The following NFASC variants were observed in gnomAD, a reference collection of about 807,000 sequenced individuals.
The protein encoded by NFASC is neurofascin.
A neutral mutation model predicts 147.5 loss-of-function variants in NFASC; 43 were observed. That is an observed-to-expected ratio of 0.29 (90% CI 0.23 to 0.38). The LOEUF (loss-of-function observed/expected upper bound fraction) is 0.38, where lower values mean the gene tolerates loss of function less well. Among genes scored for constraint, NFASC ranks in the 10% least tolerant of loss-of-function variants. The pLI is 1.00. For missense variants in NFASC, 1,320 were observed against 1,689.0 expected (o/e 0.78, Z 3.83); for synonymous variants, 622 against 665.5 (o/e 0.93, Z 1.01).
intron 1 of NFASC, among the ~76,000 whole-genome samples, chr1:204,901,858 G>A (rs575303968): frequency 2.2e-4 from 34 of 152,112 alleles, no homozygotes; most frequent in African/African-American, 7.5e-4. Flanking sequence ...CAGCTCACCC[G>A]CGGTAATGGA....
At chr1:204,877,149 A>G (rs1163269376) in intron 1 of NFASC, among the ~76,000 whole-genome samples, 3 of 144,758 alleles carry the variant, frequency 2.1e-5, no homozygotes, top group African/African-American at 5.1e-5. Context: ...ATATAAATAT[A>G]TATTTAATAG....
At chr1:204,981,626 C>T (rs547485545) in intron 20 of NFASC, among the ~76,000 whole-genome samples, 172 bp from the exon 21 acceptor site, 172 of 152,336 alleles carry the variant, frequency 1.1e-3, no homozygotes, top group African/African-American at 4.1e-3. Flanking sequence ...GGACCTTGGG[C>T]TTTTGGGGGA....
Position 204,872,067 on chromosome 1 carries a change from C to T in NFASC, c.-200+43285C>T, listed in dbSNP as rs12401772. The stretch of plus-strand genomic sequence containing the variant: ...TGAAGATTCAGTGACCGTACTTAAC[C>T]CAGGAAGGTTCGAGGCTGCATTAGG... On this transcript the variant is annotated intron_variant, in intron 1 of 29. Transcript: ENST00000339876. 1.3e-3 allele frequency among the ~76,000 whole-genome samples: 193 copies of T among 152,270 alleles called. 1 individual carries two copies. In the East Asian group the frequency reaches 0.018, roughly 14 times the overall value.
intron 1 of NFASC, among the ~76,000 whole-genome samples, chr1:204,888,893 T>C (rs1572548568): frequency 6.6e-6 from 1 of 152,300 alleles, no homozygotes; most frequent in Non-Finnish European, 1.5e-5. Flanking sequence ...TAGGGAACCC[T>C]GTGCTGCCCT....
chr1:204,976,594 C>T, intron 15 of NFASC, 77 bp from the exon 16 acceptor site: 4 of 1,146,102 alleles, frequency 3.5e-6, no homozygotes, highest in Non-Finnish European at 3.8e-6. Context: ...CGAGAACCCC[C>T]TCTAGGGAGA....
At chr1:204,880,677 G>A (rs932808329) in intron 1 of NFASC, among the ~76,000 whole-genome samples, 9 of 152,140 alleles carry the variant, frequency 5.9e-5, no homozygotes, top group Admixed American at 5.2e-4. Context: ...GATGGCAAGA[G>A]GTTTCATCTG....
At position 204,954,786 on chromosome 1, in the gene NFASC, A is replaced by C; in HGVS notation, c.413-43A>C. 3 of 1,607,714 alleles carry C rather than the reference A, an allele frequency of 1.9e-6. No individual in the cohort carries two copies. Among genetic ancestry groups the C allele is most frequent in the Non-Finnish European group, 1.7e-6 (2 of 1,175,354 alleles). On this transcript the variant is annotated intron_variant, in intron 6 of 29. Coordinates refer to ENST00000339876, the MANE Select transcript of NFASC (RefSeq NM_001005388.3). This position sits in a 1 kb window ranked among gnomAD's most constrained non-coding sequence, Gnocchi z 5.7. ...TGACCCTGCTCCTTGCCCCGGGCCC[A>C]GCCATCACCCTCACTTTATCCTCTT...
At chr1:204,880,820 T>C (rs1208338882) in intron 1 of NFASC, among the ~76,000 whole-genome samples, 4 of 152,188 alleles carry the variant, frequency 2.6e-5, no homozygotes, top group Non-Finnish European at 5.9e-5. Context: ...AGGATCAGCG[T>C]CAGAGAGAAC....
intron 1 of NFASC, among the ~76,000 whole-genome samples, chr1:204,903,122 C>T (rs1027790074): frequency 2.6e-5 from 4 of 152,138 alleles, no homozygotes; most frequent in African/African-American, 9.7e-5. Flanking sequence ...TTGCCAAGTC[C>T]CCCCTACCCC....
At chr1:204,962,300 C>T in intron 8 of NFASC, 1 of 693,466 alleles carries the variant, frequency 1.4e-6, no homozygotes, top group East Asian at 2.7e-5. Flanking sequence ...CAGAAGGCTG[C>T]CTGCCAGGAG....
chr1:204,905,059 A>G (rs1324675538), intron 1 of NFASC, among the ~76,000 whole-genome samples: 1 of 152,018 alleles, frequency 6.6e-6, no homozygotes, highest in Non-Finnish European at 1.5e-5. Context: ...ACCAGAAGCA[A>G]TTGTTATCTT....
chr1:204,995,308 T>C (rs892452741), intron 24 of NFASC, among the ~76,000 whole-genome samples: 4 of 135,442 alleles, frequency 3.0e-5, no homozygotes, highest in Non-Finnish European at 6.3e-5. Context: ...ATGTATGATG[T>C]GTGCACAGTG....
chr1:204,835,866 A>G (rs988740689), intron 1 of NFASC, among the ~76,000 whole-genome samples: 1 of 152,088 alleles, frequency 6.6e-6, no homozygotes, highest in African/African-American at 2.4e-5. Flanking sequence ...GCTTTCCTGG[A>G]TCCAGTTTGG....
At chr1:204,842,863 A>G (rs981453382) in intron 1 of NFASC, among the ~76,000 whole-genome samples, 1 of 152,050 alleles carries the variant, frequency 6.6e-6, no homozygotes, top group Non-Finnish European at 1.5e-5. Context: ...TGGGGCCATC[A>G]GTGTGTTGCC....
intron 23 of NFASC, 68 bp downstream of exon 23, chr1:204,988,874 A>AGATCTGTAGCTGGCTGCCTGG (rs751112816): frequency 1.4e-6 from 2 of 1,468,996 alleles, no homozygotes; most frequent in South Asian, 2.3e-5. Context: ...AGAAACACTG[A>AGATCTGTAGCTGGCTGCCTGG]GATCTGTAGC....
Position 204,976,803 on chromosome 1 carries a change from C to G in NFASC, c.1831+8C>G. ...CCTACCTCACCGTGCTAGGTAACTG[C>G]CCATGCTCACCCTGGCACTGACCAG... On this transcript the variant is annotated splice_region_variant and intron_variant, in intron 16 of 29. Transcript: ENST00000339876. 3 of 1,611,920 alleles carry G rather than the reference C, an allele frequency of 1.9e-6. No homozygotes were observed. Among genetic ancestry groups the G allele is most frequent in the Non-Finnish European group, 2.5e-6 (3 of 1,178,846 alleles).
chr1:204,848,329 A>G (rs1558493686), intron 1 of NFASC, among the ~76,000 whole-genome samples: 2 of 152,182 alleles, frequency 1.3e-5, no homozygotes, highest in Non-Finnish European at 2.9e-5. Flanking sequence ...TTCCCCAGTT[A>G]AGTGATCCTC....
At chr1:204,887,787 A>G (rs550329448) in intron 1 of NFASC, among the ~76,000 whole-genome samples, 6 of 151,856 alleles carry the variant, frequency 4.0e-5, no homozygotes, top group South Asian at 2.1e-4. Context: ...TTGTAGAGCC[A>G]GGGTTTTGCC....
At chr1:204,928,181 C>A (rs939372674) in intron 2 of NFASC, among the ~76,000 whole-genome samples, 1 of 152,188 alleles carries the variant, frequency 6.6e-6, no homozygotes, top group African/African-American at 2.4e-5. Flanking sequence ...ATCCACAAAT[C>A]TTATTTAAGC....
Sources: gnomAD v4.1 joint callset for allele counts (sites outside exome capture counted in the v4.1 genomes callset) on GRCh38, gnomAD v4.1.1 for gene constraint, Gnocchi (gnomAD v3.1) non-coding constraint, MANE v1.5 for transcripts, NCBI Gene and HGNC (gene_info 2026-07-23, HGNC 2026-07-21) for gene names.